The following SLC2A3 variants were observed in gnomAD, a reference collection of about 807,000 sequenced individuals.
SLC2A3 encodes the protein solute carrier family 2 member 3, also known as solute carrier family 2, facilitated glucose transporter member 3.
SLC2A3 carries 21 observed loss-of-function variants against 46.4 expected under a neutral mutation model. The ratio of observed to expected loss-of-function variants is 0.45; its 90% CI spans 0.32 to 0.65. SLC2A3 has a LOEUF of 0.65. Among genes scored for constraint, SLC2A3 ranks in the 30% least tolerant of loss-of-function variants. SLC2A3 has a pLI of 0.04. For synonymous variants in SLC2A3, 213 were observed against 239.4 expected (o/e 0.89, Z 1.02); for missense variants, 499 against 623.3 (o/e 0.80, Z 2.12).
intron 1 of SLC2A3, 47 bp downstream of exon 1, chr12:7,935,973 G>C: frequency 6.8e-7 from 1 of 1,476,190 alleles, no homozygotes; most frequent in Non-Finnish European, 9.5e-7. Flanking sequence ...GCCTTTCTGA[G>C]TGTATCCCAA....
chr12:7,921,477 C>A lies in SLC2A3; in HGVS notation c.1427G>T (p.Gly476Val). The stretch of plus-strand genomic sequence containing the variant: ...GTTCATCTCCATGACGCCGTCCTTT[C>A]CAGATCTATCTGCACCGTGTGCCTG... ...EGQAHGADRS[G>V]KDGVMEMNSI... Residue 476 changes from glycine to valine, a missense_variant, in exon 10 of 10, where the codon GGA becomes GTA. Around this residue, in one of 5 missense-constraint regions of SLC2A3, gnomAD observed 179 missense variants for 205.1 expected, o/e 0.87. Coordinates refer to ENST00000075120, the MANE Select transcript of SLC2A3 (RefSeq NM_006931.3). The A allele has an allele frequency of 1.2e-6, 2 of 1,613,974 alleles. No homozygotes were observed. The highest frequency in any genetic ancestry group is 1.7e-6 in the Non-Finnish European group (2 of 1,179,870).
At chr12:7,922,735 T>C in intron 9 of SLC2A3, 86 bp downstream of exon 9, 1 of 1,566,740 alleles carries the variant, frequency 6.4e-7, no homozygotes, top group Non-Finnish European at 8.7e-7. Context: ...TGAGCCACCA[T>C]GCCAGGCCCA....
chr12:7,924,319 C>A, intron 8 of SLC2A3, 91 bp downstream of exon 8: 1 of 1,533,964 alleles, frequency 6.5e-7, no homozygotes, highest in Non-Finnish European at 8.8e-7. Context: ...TGACAAACTG[C>A]AACCTTAACA....
In SLC2A3 at chr12:7,920,537, A is replaced by T. The variant is rs1592352218; in HGVS notation, c.*876T>A. The T allele has an allele frequency of 6.6e-6, 1 of 152,180 alleles. No homozygotes were observed. The highest frequency in any genetic ancestry group is 2.4e-5 in the African/African-American group (1 of 41,426). The allele number at this position is 152,180 out of a possible 1,614,324, so 9.4% of individuals were successfully genotyped here. A position where few individuals can be genotyped will look rare whatever the true frequency, so the allele number is the denominator to read the frequency against. ...ACATGTAAACTATTATCTTAAAGAA[A>T]AAAGCTCCAAAGGAAATCAGTAGCT... On this transcript the variant is annotated 3_prime_UTR_variant, in exon 10 of 10. Transcript: ENST00000075120.
chr12:7,926,823 T>C (rs1324599178), intron 6 of SLC2A3, among the ~76,000 whole-genome samples: 1 of 152,142 alleles, frequency 6.6e-6, no homozygotes, highest in Non-Finnish European at 1.5e-5. Flanking sequence ...TTTGAAGTGT[T>C]TTATGAAATA....
chr12:7,931,615 T>C lies in SLC2A3; in HGVS notation c.270-130A>G. On this transcript the variant is annotated intron_variant, in intron 3 of 9. Transcript: ENST00000075120. ...TTTTTTTTAATCTAACTTTTGTTTT[T>C]CACTTTCTATTATCAGAACATTTCT... 3.7e-6 allele frequency: 5 copies of C among 1,360,650 alleles called. No homozygotes were observed. The South Asian group carries it at 6.0e-5, about 16-fold the overall frequency. The allele number at this position is 1,360,650 out of a possible 1,614,324, so 84.3% of individuals were successfully genotyped here.
intron 1 of SLC2A3, among the ~76,000 whole-genome samples, chr12:7,935,089 C>T (rs978405648): frequency 6.6e-6 from 1 of 152,020 alleles, no homozygotes; most frequent in African/African-American, 2.4e-5. Context: ...CTTGGTTTCC[C>T]AAATGCTGGG....
At chr12:7,932,927 C>T in intron 3 of SLC2A3, 60 bp downstream of exon 3, 2 of 1,601,492 alleles carry the variant, frequency 1.2e-6, no homozygotes. Flanking sequence ...CCTAACTCTC[C>T]ACACTTGTCC....
At chr12:7,923,115 T>C (rs1475348426) in intron 8 of SLC2A3, 91 bp from the exon 9 acceptor site, 1 of 1,206,174 alleles carries the variant, frequency 8.3e-7, no homozygotes, top group Non-Finnish European at 1.2e-6. Context: ...AAGCTCCTCC[T>C]GTCCCTGACG....
chr12:7,930,443 CAT>C (rs1252831030), intron 5 of SLC2A3, 35 bp downstream of exon 5: 4 of 1,590,414 alleles, frequency 2.5e-6, no homozygotes, highest in South Asian at 1.1e-5. Flanking sequence ...AAACCACAAC[CAT>C]ATAATTCATG....
At position 7,921,053 on chromosome 12, in the gene SLC2A3, G is replaced by C. The variant is rs991976583; in HGVS notation, c.*360C>G. 3 of 438,348 alleles carry C rather than the reference G, an allele frequency of 6.8e-6. No individual in the cohort carries two copies. Among genetic ancestry groups the C allele is most frequent in the African/African-American group, 6.0e-5 (3 of 50,294 alleles). 27.2% of individuals were successfully genotyped at this position (438,348 alleles called of 1,614,324 possible). A position where few individuals can be genotyped will look rare whatever the true frequency, so the allele number is the denominator to read the frequency against. The stretch of plus-strand genomic sequence containing the variant: ...TATGTATCTGCTTCCTGGTAAGTCT[G>C]AGGTTGGGGGAACTGCACCTTACTT... On this transcript the variant is annotated 3_prime_UTR_variant, in exon 10 of 10. Transcript: ENST00000075120.
intron 3 of SLC2A3, among the ~76,000 whole-genome samples, chr12:7,932,397 C>T (rs987309391): frequency 5.9e-5 from 9 of 152,074 alleles, no homozygotes; most frequent in African/African-American, 1.9e-4. Context: ...AGGCTGGTCT[C>T]GAACTCCTGA....
intron 6 of SLC2A3, among the ~76,000 whole-genome samples, chr12:7,926,407 A>C (rs944499182): frequency 1.3e-5 from 2 of 151,972 alleles, no homozygotes; most frequent in Non-Finnish European, 2.9e-5. Flanking sequence ...TCTCTCTCTA[A>C]ATGTTCTTAA....
chr12:7,929,484 A>T, intron 6 of SLC2A3, 200 bp downstream of exon 6: 1 of 678,084 alleles, frequency 1.5e-6, no homozygotes, highest in Non-Finnish European at 2.3e-6. Flanking sequence ...TAAATTTCAG[A>T]GACACAGTCT....
At chr12:7,924,234 A>G (rs1458216970) in intron 8 of SLC2A3, among the ~76,000 whole-genome samples, 176 bp downstream of exon 8, 2 of 152,128 alleles carry the variant, frequency 1.3e-5, no homozygotes, top group Non-Finnish European at 2.9e-5. Context: ...AAGGATTCTA[A>G]CAGTTTACCT....
chr12:7,925,666 T>A (rs1245190002), intron 7 of SLC2A3, 178 bp downstream of exon 7: 1 of 579,326 alleles, frequency 1.7e-6, no homozygotes, highest in Admixed American at 3.0e-5. Context: ...TTCCCATCCA[T>A]CCCATATTTG....
At chr12:7,926,236 G>C (rs1946093801) in intron 6 of SLC2A3, among the ~76,000 whole-genome samples, 1 of 151,992 alleles carries the variant, frequency 6.6e-6, no homozygotes, top group Non-Finnish European at 1.5e-5. Flanking sequence ...GACTACAGGT[G>C]CCTGCAACCA....
rs1946175416 is a variant in SLC2A3 at position 7,933,111 on chromosome 12, T to C, written c.145A>G (p.Lys49Glu). Residue 49 changes from lysine to glutamate, a missense_variant, in exon 3 of 10, where the codon AAG becomes GAG. Lys to Glu is a moderately conservative substitution (Grantham distance 56, BLOSUM62 1). Coordinates refer to ENST00000075120, the MANE Select transcript of SLC2A3 (RefSeq NM_006931.3). ...ACCTCAGAGGGTGGGGCATTTCCCT[T>C]GTCCGTCAAAGTTTTATTGATAAAT... ...KEFINKTLTD[K>E]GNAPPSEVLL... The C allele has an allele frequency of 2.5e-6, 4 of 1,614,082 alleles. No homozygotes were observed. Among genetic ancestry groups the C allele is most frequent in the Non-Finnish European group, 3.4e-6 (4 of 1,180,006 alleles).
chr12:7,934,888 C>T (rs1346532083), intron 1 of SLC2A3, among the ~76,000 whole-genome samples: 1 of 152,146 alleles, frequency 6.6e-6, no homozygotes, highest in Admixed American at 6.5e-5. Flanking sequence ...AATCTTTTTC[C>T]GTTTAGTAAA....
Sources: gnomAD v4.1 joint callset for allele counts (sites outside exome capture counted in the v4.1 genomes callset) on GRCh38, gnomAD v4.1.1 for gene constraint, gnomAD v4.1.1 regional missense constraint, MANE v1.5 for transcripts, NCBI Gene and HGNC (gene_info 2026-07-23, HGNC 2026-07-21) for gene names.